SGCZ: variants seen among roughly 807,000 people sequenced by gnomAD.
SGCZ encodes zeta-sarcoglycan.
SGCZ carries 40 observed loss-of-function variants against 41.3 expected under a neutral mutation model. The ratio of observed to expected loss-of-function variants is 0.97; its 90% CI spans 0.75 to 1.26. The LOEUF (loss-of-function observed/expected upper bound fraction) is 1.26. SGCZ is among the 50% of genes most tolerant of loss of function. The pLI, the probability that SGCZ is intolerant of heterozygous loss-of-function variation, is 0.00. For synonymous variants in SGCZ, 206 were observed against 137.5 expected (o/e 1.50, Z -3.49); for missense variants, 552 against 369.8 (o/e 1.49, Z -4.04).
chr8:14,248,477 A>C (rs1799181385), intron 3 of SGCZ, among the ~76,000 whole-genome samples: 2 of 152,148 alleles, frequency 1.3e-5, no homozygotes, highest in African/African-American at 4.8e-5. Flanking sequence ...GTAAGTAGGG[A>C]ACTAAGCCTC....
At position 14,362,485 on chromosome 8, in the gene SGCZ, C is replaced by T. The variant is rs768516627; in HGVS notation, c.235-38281G>A. Among the ~76,000 whole-genome samples, 13 of 151,872 alleles carry T rather than the reference C, an allele frequency of 8.6e-5. 1 individual carries two copies. Among genetic ancestry groups the T allele is most frequent in the Non-Finnish European group, 1.5e-5 (1 of 68,030 alleles). ...CTAGCAGCCAGCAAGGCTCCATGGG[C>T]GTGGGACCCAAAAGCCAGGCACAAG... On this transcript the variant is annotated intron_variant, in intron 2 of 7. Transcript: ENST00000382080.
At chr8:14,383,283 A>T (rs941013428) in intron 2 of SGCZ, among the ~76,000 whole-genome samples, 2 of 152,240 alleles carry the variant, frequency 1.3e-5, no homozygotes, top group African/African-American at 4.8e-5. Flanking sequence ...AGAAATACTG[A>T]TAAGAGACAT....
intron 1 of SGCZ, among the ~76,000 whole-genome samples, chr8:14,647,970 C>A (rs1807277678): frequency 6.6e-6 from 1 of 151,940 alleles, no homozygotes; most frequent in African/African-American, 2.4e-5. Context: ...ACCCAGGCAC[C>A]AGAAGCACAC....
At chr8:14,370,954 C>A (rs1336227131) in intron 2 of SGCZ, among the ~76,000 whole-genome samples, 1 of 151,930 alleles carries the variant, frequency 6.6e-6, no homozygotes, top group African/African-American at 2.4e-5. Flanking sequence ...TTTTTGCCAC[C>A]TGCAGTCACG....
intron 1 of SGCZ, among the ~76,000 whole-genome samples, chr8:15,165,695 T>C (rs1014747582): frequency 1.3e-5 from 2 of 152,248 alleles, no homozygotes; most frequent in African/African-American, 4.8e-5. Context: ...ATGTGTTTTT[T>C]AATCAAAGGT....
At chr8:14,761,598 T>C (rs1302708053) in intron 1 of SGCZ, among the ~76,000 whole-genome samples, 1 of 151,236 alleles carries the variant, frequency 6.6e-6, no homozygotes, top group Non-Finnish European at 1.5e-5. Flanking sequence ...GCAGCGTGGC[T>C]CACTGCCACC....
intron 1 of SGCZ, among the ~76,000 whole-genome samples, chr8:14,867,403 C>T (rs532419052): frequency 1.3e-5 from 2 of 152,002 alleles, no homozygotes; most frequent in Non-Finnish European, 2.9e-5. Flanking sequence ...AATAGTACTG[C>T]AATAAAGATA....
At chr8:14,847,234 A>T (rs1563312365) in intron 1 of SGCZ, among the ~76,000 whole-genome samples, 1 of 152,138 alleles carries the variant, frequency 6.6e-6, no homozygotes, top group African/African-American at 2.4e-5. Flanking sequence ...TAAAAGAGGA[A>T]AGTCCTGTTT....
At chr8:14,434,161 GA>G (rs1297157884) in intron 2 of SGCZ, among the ~76,000 whole-genome samples, 1 of 152,154 alleles carries the variant, frequency 6.6e-6, no homozygotes, top group Admixed American at 6.5e-5. Flanking sequence ...GAGAGATGAG[GA>G]CCCAGTTTCA....
intron 1 of SGCZ, among the ~76,000 whole-genome samples, chr8:14,682,527 C>T (rs1814140): frequency 0.46 from 68,756 of 151,070 alleles, 17,188 homozygotes; most frequent in Non-Finnish European, 0.58. Context: ...CTCCGCCTCC[C>T]GGGTTCACGC....
chr8:14,780,157 G>A (rs879780898), intron 1 of SGCZ, among the ~76,000 whole-genome samples: 3 of 151,948 alleles, frequency 2.0e-5, no homozygotes, highest in Non-Finnish European at 4.4e-5. Flanking sequence ...GGCGGATCAC[G>A]AGGTCAGGAG....
At chr8:14,523,812 GATGATACGA>G (rs1172391680) in intron 2 of SGCZ, among the ~76,000 whole-genome samples, 1 of 152,060 alleles carries the variant, frequency 6.6e-6, no homozygotes, top group Non-Finnish European at 1.5e-5. Context: ...AAAAACTAGT[GATGATACGA>G]ATGATAGATC....
intron 1 of SGCZ, among the ~76,000 whole-genome samples, chr8:15,086,501 A>G (rs62494576): frequency 2.2e-3 from 336 of 152,284 alleles, no homozygotes; most frequent in Middle Eastern, 6.8e-3. Flanking sequence ...GTTTAATCAT[A>G]TTAATCCTTG....
chr8:14,183,694 T>G (rs1176110839), intron 4 of SGCZ, among the ~76,000 whole-genome samples: 1 of 152,152 alleles, frequency 6.6e-6, no homozygotes, highest in East Asian at 1.9e-4. Context: ...TAACCTCTAA[T>G]CTACCTATAC....
At chr8:14,135,627 T>C (rs1237953951) in intron 5 of SGCZ, among the ~76,000 whole-genome samples, 1 of 152,160 alleles carries the variant, frequency 6.6e-6, no homozygotes, top group Non-Finnish European at 1.5e-5. Context: ...ATCTGAATAG[T>C]CCTGTAACTG....
chr8:15,072,769 A>G (rs1018458295), intron 1 of SGCZ, among the ~76,000 whole-genome samples: 1 of 152,198 alleles, frequency 6.6e-6, no homozygotes, highest in Non-Finnish European at 1.5e-5. Flanking sequence ...TTTTGCTAAA[A>G]TAATTGGTGT....
intron 3 of SGCZ, among the ~76,000 whole-genome samples, chr8:14,315,475 T>G (rs1235474641): frequency 6.6e-6 from 1 of 152,060 alleles, no homozygotes; most frequent in South Asian, 2.1e-4. Context: ...GTGTGTGTGA[T>G]GCAAGGGGAT....
At chr8:15,014,830 G>A (rs989074163) in intron 1 of SGCZ, among the ~76,000 whole-genome samples, 5 of 152,190 alleles carry the variant, frequency 3.3e-5, no homozygotes, top group Non-Finnish European at 7.3e-5. Flanking sequence ...TTTTATACAA[G>A]TGAGCAGCTG....
chr8:14,495,746 G>C (rs1018206914), intron 2 of SGCZ, among the ~76,000 whole-genome samples: 1 of 151,964 alleles, frequency 6.6e-6, no homozygotes, highest in Non-Finnish European at 1.5e-5. Flanking sequence ...AAAGGTAATT[G>C]CTCCTGCCAT....
Sources: allele counts gnomAD v4.1 joint callset (sites outside exome capture counted in the v4.1 genomes callset), GRCh38; gene constraint gnomAD v4.1.1; transcripts MANE v1.5; gene names NCBI Gene and HGNC (gene_info 2026-07-23, HGNC 2026-07-21).